The following RPS6KA2 variants were observed in gnomAD, a reference collection of about 807,000 sequenced individuals.
RPS6KA2 encodes ribosomal protein S6 kinase A2.
RPS6KA2 carries 42 observed loss-of-function variants against 91.8 expected under a neutral mutation model. The observed-to-expected ratio is 0.46, with a 90% CI of 0.36 to 0.59. The LOEUF is 0.59. Ranked by LOEUF, RPS6KA2 falls within the 20% of genes least tolerant of loss-of-function variation. The pLI is 0.00. For missense variants in RPS6KA2, 798 were observed against 978.5 expected (o/e 0.82, Z 2.46); for synonymous variants, 414 against 393.6 (o/e 1.05, Z -0.61).
At chr6:166,588,710 T>C (rs1406316817) in intron 1 of RPS6KA2, among the ~76,000 whole-genome samples, 1 of 152,238 alleles carries the variant, frequency 6.6e-6, no homozygotes, top group East Asian at 1.9e-4. Flanking sequence ...TGCTGCCCTG[T>C]AACCTGGGGC....
intron 2 of RPS6KA2, among the ~76,000 whole-genome samples, chr6:166,677,162 T>A (rs1788642449): frequency 6.6e-6 from 1 of 152,112 alleles, no homozygotes; most frequent in South Asian, 2.1e-4. Context: ...CTTGAGGTAG[T>A]ACTAGGATGG....
At chr6:166,680,447 C>A (rs1177415093) in intron 2 of RPS6KA2, among the ~76,000 whole-genome samples, 1 of 152,156 alleles carries the variant, frequency 6.6e-6, no homozygotes, top group African/African-American at 2.4e-5. Flanking sequence ...TGCTCTGGTC[C>A]CCTTCCACGT....
intron 2 of RPS6KA2, among the ~76,000 whole-genome samples, chr6:166,735,281 CAAA>C (rs772569240): frequency 6.6e-6 from 1 of 152,116 alleles, no homozygotes; most frequent in Non-Finnish European, 1.5e-5. Flanking sequence ...CAAAACAAAA[CAAA>C]AAACTGAAAC....
At chr6:166,674,042 G>T (rs1480615979) in intron 2 of RPS6KA2, among the ~76,000 whole-genome samples, 1 of 152,240 alleles carries the variant, frequency 6.6e-6, no homozygotes, top group African/African-American at 2.4e-5. Context: ...CATCGCTGGG[G>T]AAAGAGAGTT....
At chr6:166,807,261 A>G (rs1047068927) in intron 2 of RPS6KA2, among the ~76,000 whole-genome samples, 1 of 152,326 alleles carries the variant, frequency 6.6e-6, no homozygotes, top group African/African-American at 2.4e-5. Context: ...ATCCATCCTC[A>G]GTTCTCATCT....
chr6:166,510,803 T>C (rs1321502354), intron 3 of RPS6KA2, among the ~76,000 whole-genome samples: 2 of 151,732 alleles, frequency 1.3e-5, no homozygotes, highest in African/African-American at 4.8e-5. Context: ...TCCACGTCGT[T>C]TTCCCGACCT....
intron 1 of RPS6KA2, among the ~76,000 whole-genome samples, chr6:166,556,788 C>T (rs1784190330): frequency 6.6e-6 from 1 of 152,220 alleles, no homozygotes; most frequent in Non-Finnish European, 1.5e-5. Flanking sequence ...GTAGGCCACC[C>T]ACAGCCTTCC....
Position 166,508,937 on chromosome 6 carries a change from C to T in RPS6KA2, c.380-655G>A, listed in dbSNP as rs1357494500. ...CCTCTGTTGAGCGGGCGCATGAGCA[C>T]GGGAGGGTCTAGAGAAGCCCGTCAC... is the stretch of plus-strand genomic sequence containing the variant. On this transcript the variant is annotated intron_variant, in intron 4 of 20. Transcript: ENST00000265678. The surrounding 1 kb of genome is among the most constrained non-coding windows in gnomAD (Gnocchi z 4.3). Among the ~76,000 whole-genome samples, 2 of 152,150 alleles carry T rather than the reference C, an allele frequency of 1.3e-5. No homozygotes were observed. The highest frequency in any genetic ancestry group is 2.9e-5 in the Non-Finnish European group (2 of 68,038).
chr6:166,468,030 C>T (rs2128464109), intron 11 of RPS6KA2, among the ~76,000 whole-genome samples: 1 of 152,400 alleles, frequency 6.6e-6, no homozygotes, highest in East Asian at 1.9e-4. Context: ...AGGCACAGTG[C>T]TGTGCTAACC....
At chr6:166,506,173 T>C (rs1412180368) in intron 5 of RPS6KA2, among the ~76,000 whole-genome samples, 2 of 152,126 alleles carry the variant, frequency 1.3e-5, no homozygotes, top group African/African-American at 4.8e-5. Context: ...GACCCCATAC[T>C]TGCTGAATGA....
rs1359321628 is a variant in RPS6KA2, at chr6:166,825,551, C to T, written c.123+32649G>A. On this transcript the variant is annotated intron_variant, in intron 2 of 21. Transcript: ENST00000503859. The surrounding 1 kb of genome is among the most constrained non-coding windows in gnomAD (Gnocchi z 4.1). ...AGACTGGGTAGCTTAGCTACTTACCCTAGACTGGGTGGCTTTTAAACAACA... is the reference window on the plus strand; with the variant it reads ...AGACTGGGTAGCTTAGCTACTTACCTTAGACTGGGTGGCTTTTAAACAACA... Among the ~76,000 whole-genome samples, 2 of 149,144 alleles carry T rather than the reference C, an allele frequency of 1.3e-5. No individual in the cohort carries two copies. Among genetic ancestry groups the T allele is most frequent in the Non-Finnish European group, 2.9e-5 (2 of 67,978 alleles).
At chr6:166,534,903 G>T (rs1439104811) in intron 2 of RPS6KA2, among the ~76,000 whole-genome samples, 1 of 151,930 alleles carries the variant, frequency 6.6e-6, no homozygotes, top group African/African-American at 2.4e-5. Flanking sequence ...GCAAAATACA[G>T]CAAAAATGCA....
chr6:166,538,837 C>T (rs1350111380), intron 1 of RPS6KA2, 53 bp from the exon 2 acceptor site: 52 of 913,260 alleles, frequency 5.7e-5, no homozygotes, highest in Non-Finnish European at 7.9e-5. Context: ...CCCTCAGAGC[C>T]GCTCACAGCT....
At position 166,717,962 on chromosome 6, in the gene RPS6KA2, C is replaced by G. The variant is rs956020524; in HGVS notation, c.123+140238G>C. 1.3e-4 allele frequency among the ~76,000 whole-genome samples: 20 copies of G among 152,040 alleles called. No homozygotes were observed. The South Asian group carries it at 1.9e-3, about 14-fold the overall frequency. On this transcript the variant is annotated intron_variant, in intron 2 of 21. Transcript: ENST00000503859. ...CCTCCTGGTTCAGGCGATTCTCCTGCGTCAGCCTCCCACGTAGCTGGGATT... is the reference window on the plus strand; with the variant it reads ...CCTCCTGGTTCAGGCGATTCTCCTGGGTCAGCCTCCCACGTAGCTGGGATT...
chr6:166,521,657 A>G (rs1782859280), intron 3 of RPS6KA2, among the ~76,000 whole-genome samples: 1 of 152,234 alleles, frequency 6.6e-6, no homozygotes, highest in African/African-American at 2.4e-5. Context: ...TCACTAATAC[A>G]GAGAGATCGC....
chr6:166,561,079 G>A (rs948425922), intron 1 of RPS6KA2, among the ~76,000 whole-genome samples: 1 of 152,068 alleles, frequency 6.6e-6, no homozygotes, highest in East Asian at 1.9e-4. Flanking sequence ...AAAAACTCAG[G>A]GCTGTTTCCA....
chr6:166,540,167 C>T (rs1162385756), intron 1 of RPS6KA2, among the ~76,000 whole-genome samples: 1 of 152,232 alleles, frequency 6.6e-6, no homozygotes, highest in Non-Finnish European at 1.5e-5. Flanking sequence ...CTCTGTTTTA[C>T]TCTAAGAGTG....
chr6:166,655,545 C>G (rs1325379274), intron 2 of RPS6KA2, among the ~76,000 whole-genome samples: 1 of 152,248 alleles, frequency 6.6e-6, no homozygotes, highest in African/African-American at 2.4e-5. Context: ...GGCTACACAC[C>G]TGGCTGGTGG....
chr6:166,787,987 A>C (rs1562440134), intron 2 of RPS6KA2, among the ~76,000 whole-genome samples: 1 of 151,790 alleles, frequency 6.6e-6, no homozygotes. Flanking sequence ...AAAAAAAAAA[A>C]AAAAAACCAA....
Sources: gnomAD v4.1 joint callset for allele counts (sites outside exome capture counted in the v4.1 genomes callset) on GRCh38, gnomAD v4.1.1 for gene constraint, Gnocchi (gnomAD v3.1) non-coding constraint, MANE v1.5 for transcripts, NCBI Gene and HGNC (gene_info 2026-07-23, HGNC 2026-07-21) for gene names.